ENOX1: variants seen among roughly 807,000 people sequenced by gnomAD.
ENOX1 encodes candidate growth-related and time keeping constitutive hydroquinone (NADH) oxidase.
A neutral mutation model predicts 82.5 loss-of-function variants in ENOX1; 42 were observed. The observed-to-expected ratio is 0.51, with a 90% CI of 0.40 to 0.66. The LOEUF (loss-of-function observed/expected upper bound fraction) is 0.66, where lower values mean the gene tolerates loss of function less well. Among genes scored for constraint, ENOX1 ranks in the 30% least tolerant of loss-of-function variants. The pLI, the probability that ENOX1 is intolerant of heterozygous loss-of-function variation, is 0.00. For synonymous variants in ENOX1, 271 were observed against 282.2 expected, an observed-to-expected ratio of 0.96 and a Z score of 0.40; for missense variants, 608 against 811.6, an observed-to-expected ratio of 0.75 and a Z score of 3.05.
chr13:43,783,701 A>C (rs1394983648), intron 1 of ENOX1, among the ~76,000 whole-genome samples: 1 of 152,252 alleles, frequency 6.6e-6, no homozygotes, highest in Non-Finnish European at 1.5e-5. Context: ...ATGAGTGAAA[A>C]GGGAAGAATG....
chr13:43,641,093 C>G (rs145074706), intron 2 of ENOX1, among the ~76,000 whole-genome samples: 2 of 152,120 alleles, frequency 1.3e-5, no homozygotes, highest in South Asian at 2.1e-4. Flanking sequence ...GTTTCCCCCA[C>G]GCCTCCATTA....
chr13:43,667,709 T>C (rs1025333842), intron 1 of ENOX1, among the ~76,000 whole-genome samples, 165 bp from the exon 2 acceptor site: 4 of 152,146 alleles, frequency 2.6e-5, no homozygotes, highest in Admixed American at 1.3e-4. Flanking sequence ...TTGGAGAAGG[T>C]CTCCGCATGG....
At chr13:43,279,795 C>G (rs1382644493) in intron 12 of ENOX1, among the ~76,000 whole-genome samples, 1 of 152,162 alleles carries the variant, frequency 6.6e-6, no homozygotes, top group Non-Finnish European at 1.5e-5. Context: ...GTGGGCAGTA[C>G]TGGGGATTAA....
At chr13:43,239,614 C>T (rs1172445221) in intron 14 of ENOX1, among the ~76,000 whole-genome samples, 1 of 152,190 alleles carries the variant, frequency 6.6e-6, no homozygotes, top group Non-Finnish European at 1.5e-5. Flanking sequence ...TCAAAAGAGT[C>T]ACTACTGACT....
At chr13:43,632,479 C>T (rs2083258872) in intron 2 of ENOX1, among the ~76,000 whole-genome samples, 1 of 150,482 alleles carries the variant, frequency 6.6e-6, no homozygotes, top group African/African-American at 2.4e-5. Flanking sequence ...GAGTTTTGCT[C>T]TTGTTGCCCA....
chr13:43,625,932 A>G (rs2082943422), intron 2 of ENOX1, among the ~76,000 whole-genome samples: 1 of 151,900 alleles, frequency 6.6e-6, no homozygotes, highest in African/African-American at 2.4e-5. Context: ...TTATTCTTCA[A>G]ACATGTGATA....
chr13:43,565,615 A>T (rs1426653092), intron 2 of ENOX1, among the ~76,000 whole-genome samples: 1 of 152,140 alleles, frequency 6.6e-6, no homozygotes, highest in Non-Finnish European at 1.5e-5. Flanking sequence ...GGGGATTTCA[A>T]TCCATTTGGG....
chr13:43,672,169 C>T (rs115819534), intron 1 of ENOX1, among the ~76,000 whole-genome samples: 160 of 152,180 alleles, frequency 1.1e-3, no homozygotes, highest in African/African-American at 3.5e-3. Context: ...TTTTAACAAA[C>T]GCCCTGCACT....
chr13:43,325,059 T>C (rs2048032034), intron 10 of ENOX1, among the ~76,000 whole-genome samples: 1 of 152,196 alleles, frequency 6.6e-6, no homozygotes, highest in African/African-American at 2.4e-5. Flanking sequence ...CTCCAATTTG[T>C]GTTTTCATAA....
At chr13:43,496,688 TCTTAATGAGCCTTTCTC>T (rs1282096193) in intron 2 of ENOX1, among the ~76,000 whole-genome samples, 1 of 152,162 alleles carries the variant, frequency 6.6e-6, no homozygotes, top group Non-Finnish European at 1.5e-5. Context: ...AGCCTCCATT[TCTTAATGAGCCTTTCTC>T]CTATATGTAA....
chr13:43,344,788 G>A, intron 8 of ENOX1, 38 bp from the exon 9 acceptor site: 1 of 1,584,314 alleles, frequency 6.3e-7, no homozygotes, highest in Non-Finnish European at 8.7e-7. Flanking sequence ...ATCATGCCAA[G>A]ATGAGAAAAT....
In ENOX1 at chr13:43,616,203, TA is replaced by T. The variant is rs1296231509; in HGVS notation, c.-219+51275del. Among the ~76,000 whole-genome samples, 13 of 12,030 alleles carry T rather than the reference TA, an allele frequency of 1.1e-3. 3 individuals carry two copies. The highest frequency in any genetic ancestry group is 3.8e-3 in the East Asian group (1 of 260). 7.9% of individuals were successfully genotyped at this position (12,030 alleles called of 152,430 possible). ...CTATCTATCTATATATATATATATA[TA>T]TTTTTTTTTTTTTTTTAGGACGGAG... On this transcript the variant is annotated intron_variant, in intron 2 of 16. Coordinates refer to ENST00000690772, the MANE Select transcript of ENOX1 (RefSeq NM_001347969.2).
intron 1 of ENOX1, among the ~76,000 whole-genome samples, chr13:43,762,023 T>G (rs1216974239): frequency 6.6e-6 from 1 of 152,156 alleles, no homozygotes; most frequent in East Asian, 1.9e-4. Context: ...AAGGGTAATG[T>G]TTAATGTGCA....
At chr13:43,637,532 C>T (rs1239855260) in intron 2 of ENOX1, among the ~76,000 whole-genome samples, 6 of 152,018 alleles carry the variant, frequency 3.9e-5, no homozygotes, top group Admixed American at 3.9e-4. Context: ...CAGGGGAGGC[C>T]AGGTCTCCTC....
intron 1 of ENOX1, among the ~76,000 whole-genome samples, chr13:43,692,245 A>T (rs1768287333): frequency 6.6e-6 from 1 of 152,234 alleles, no homozygotes; most frequent in African/African-American, 2.4e-5. Flanking sequence ...CAGAAAAAAT[A>T]ATTTTGGATT....
At position 43,400,402 on chromosome 13, in the gene ENOX1, T is replaced by C. The variant is rs181605786; in HGVS notation, c.208+11514A>G. Among the ~76,000 whole-genome samples, 22 of 152,354 alleles carry C rather than the reference T, an allele frequency of 1.4e-4. No individual in the cohort carries two copies. The East Asian group carries it at 4.0e-3, about 28-fold the overall frequency. On this transcript the variant is annotated intron_variant, in intron 5 of 16. Coordinates refer to ENST00000690772, the MANE Select transcript of ENOX1 (RefSeq NM_001347969.2). ...CCTGCTCTGCATTCTGGACTTCCCA[T>C]GCAGGATGTACATAGGTTGACTCAA... is the stretch of plus-strand genomic sequence containing the variant.
chr13:43,225,896 A>G (rs2042003666), intron 15 of ENOX1, among the ~76,000 whole-genome samples: 1 of 152,186 alleles, frequency 6.6e-6, no homozygotes, highest in African/African-American at 2.4e-5. Context: ...TCTTCCTGAG[A>G]TACAAAGAAC....
chr13:43,504,723 C>T (rs566372832), intron 2 of ENOX1, among the ~76,000 whole-genome samples: 1 of 151,558 alleles, frequency 6.6e-6, no homozygotes, highest in East Asian at 1.9e-4. Context: ...AAAGACAAGT[C>T]CTAGGGCTCT....
intron 3 of ENOX1, among the ~76,000 whole-genome samples, chr13:43,434,257 T>G (rs141535548): frequency 3.3e-5 from 5 of 152,210 alleles, no homozygotes; most frequent in Admixed American, 2.0e-4. Context: ...TTGAGAGAGG[T>G]CTTAAAACTG....
Sources: allele counts gnomAD v4.1 joint callset (sites outside exome capture counted in the v4.1 genomes callset), GRCh38; gene constraint gnomAD v4.1.1; transcripts MANE v1.5; gene names NCBI Gene and HGNC (gene_info 2026-07-23, HGNC 2026-07-21).